LRRK1: variants seen among roughly 807,000 people sequenced by gnomAD.
The protein encoded by LRRK1 is leucine-rich repeat serine/threonine-protein kinase 1.
In LRRK1, 113 loss-of-function variants were observed where a neutral mutation model predicts 209.1. The observed-to-expected ratio is 0.54, with a 90% CI of 0.46 to 0.63. The LOEUF (loss-of-function observed/expected upper bound fraction) is 0.63. LRRK1 is among the 30% of genes least tolerant of loss of function. The pLI, the probability that LRRK1 is intolerant of heterozygous loss-of-function variation, is 0.00. For missense variants in LRRK1, 2,284 were observed against 2,632.2 expected (o/e 0.87, Z 2.89); for synonymous variants, 1,144 against 1,099.7 (o/e 1.04, Z -0.80).
At chr15:100,976,317 C>A (rs1187702875) in intron 3 of LRRK1, among the ~76,000 whole-genome samples, 6 of 152,084 alleles carry the variant, frequency 3.9e-5, no homozygotes, top group African/African-American at 1.2e-4. Context: ...ACCTCAATAC[C>A]AAGAGTAGGT....
At chr15:101,033,912 C>T (rs2034389433) in intron 20 of LRRK1, among the ~76,000 whole-genome samples, 2 of 152,178 alleles carry the variant, frequency 1.3e-5, no homozygotes, top group East Asian at 1.9e-4. Flanking sequence ...CTTTTCTCTG[C>T]GTCCTCACCA....
intron 6 of LRRK1, among the ~76,000 whole-genome samples, chr15:100,998,122 G>A (rs1460645707): frequency 1.3e-5 from 2 of 151,488 alleles, no homozygotes; most frequent in Non-Finnish European, 1.5e-5. Flanking sequence ...CAAGGTTGCA[G>A]TGAGCCGAGA....
At chr15:100,933,032 AC>A (rs1221604679) in intron 2 of LRRK1, among the ~76,000 whole-genome samples, 1 of 152,104 alleles carries the variant, frequency 6.6e-6, no homozygotes, top group Non-Finnish European at 1.5e-5. Flanking sequence ...CAGGACTCTT[AC>A]TTTGCACCTT....
intron 29 of LRRK1, among the ~76,000 whole-genome samples, chr15:101,058,777 T>C (rs1360785111): frequency 9.4e-5 from 14 of 148,698 alleles, no homozygotes; most frequent in African/African-American, 3.2e-4. Context: ...ATCCTAGGTA[T>C]TGCCAGAGTT....
chr15:101,056,559 T>C (rs969622792), intron 27 of LRRK1, among the ~76,000 whole-genome samples: 1 of 151,774 alleles, frequency 6.6e-6, no homozygotes, highest in African/African-American at 2.4e-5. Context: ...GTCGGATGGA[T>C]AGATGGATGG....
chr15:101,034,529 G>A (rs1401691890), intron 20 of LRRK1, among the ~76,000 whole-genome samples: 1 of 152,070 alleles, frequency 6.6e-6, no homozygotes, highest in African/African-American at 2.4e-5. Flanking sequence ...TCCACTGTAG[G>A]TTCTTAGCAC....
At chr15:100,951,120 G>A (rs1308305219) in intron 2 of LRRK1, among the ~76,000 whole-genome samples, 3 of 151,946 alleles carry the variant, frequency 2.0e-5, no homozygotes, top group African/African-American at 7.3e-5. Flanking sequence ...AAGAGCAAAG[G>A]GTCTAAACAG....
chr15:101,021,388 C>G (rs1273855507), intron 13 of LRRK1, among the ~76,000 whole-genome samples: 1 of 152,206 alleles, frequency 6.6e-6, no homozygotes, highest in Non-Finnish European at 1.5e-5. Context: ...TACACACTTT[C>G]ACTACATCAC....
At chr15:101,020,654 G>A (rs531373636) in intron 12 of LRRK1, among the ~76,000 whole-genome samples, 9 of 152,234 alleles carry the variant, frequency 5.9e-5, no homozygotes, top group South Asian at 2.1e-4. Flanking sequence ...GATTACAGGC[G>A]TGAGCCACCA....
At chr15:100,974,008 G>C in intron 3 of LRRK1, 41 bp downstream of exon 3, 2 of 1,240,348 alleles carry the variant, frequency 1.6e-6, no homozygotes, top group Non-Finnish European at 2.0e-6. Context: ...ATGCAGCCCC[G>C]GGCTGGACGA....
At chr15:100,951,565 T>C (rs1363137517) in intron 2 of LRRK1, among the ~76,000 whole-genome samples, 1 of 152,066 alleles carries the variant, frequency 6.6e-6, no homozygotes, top group Non-Finnish European at 1.5e-5. Flanking sequence ...GATGAATAAA[T>C]AAACAAATGT....
rs577901589 is a variant in LRRK1, at chr15:101,069,173, T to G, written c.*325T>G. Reference sequence around the variant, plus strand: ...GGAGCAGGGGTGCAGGATCCTGTTCTGAGCTGGGTCAAACAAAGCAGGGCC... The same window carrying G: ...GGAGCAGGGGTGCAGGATCCTGTTCGGAGCTGGGTCAAACAAAGCAGGGCC... On this transcript the variant is annotated 3_prime_UTR_variant, in exon 34 of 34. Transcript: ENST00000388948. 956 of 207,826 alleles carry G rather than the reference T, an allele frequency of 4.6e-3. 8 individuals are homozygous for G. The highest frequency in any genetic ancestry group is 0.021 in the African/African-American group (900 of 43,708). The allele number at this position is 207,826 out of a possible 1,614,324, so 12.9% of individuals were successfully genotyped here. A position where few individuals can be genotyped will look rare whatever the true frequency, so the allele number is the denominator to read the frequency against.
In LRRK1 at chr15:101,074,676, T is replaced by C. The variant is rs981514199; in HGVS notation, c.*5828T>C. 6.6e-6 allele frequency: 1 copy of C among 151,918 alleles called. No homozygotes were observed. The highest frequency in any genetic ancestry group is 2.4e-5 in the African/African-American group (1 of 41,360). 9.4% of individuals were successfully genotyped at this position (151,918 alleles called of 1,614,324 possible). On this transcript the variant is annotated 3_prime_UTR_variant, in exon 34 of 34. Transcript: ENST00000388948. ...ACCTTGCCTTCAAGGTGTACAATAA[T>C]AGAAAAAAGTTGCAATTCCTTGCCT... is the stretch of plus-strand genomic sequence containing the variant.
intron 4 of LRRK1, among the ~76,000 whole-genome samples, chr15:100,985,067 T>C (rs7495908): frequency 0.95 from 144,112 of 152,320 alleles, 68,190 homozygotes; most frequent in East Asian, 1. Flanking sequence ...TATAGTGGTC[T>C]TGTTTGAGGG....
At chr15:100,981,068 G>A (rs1018254296) in intron 3 of LRRK1, among the ~76,000 whole-genome samples, 4 of 152,252 alleles carry the variant, frequency 2.6e-5, no homozygotes, top group South Asian at 4.1e-4. Context: ...CCTTTGCAGA[G>A]GGCGACTGGG....
intron 33 of LRRK1, 53 bp downstream of exon 33, chr15:101,066,794 A>G: frequency 7.1e-7 from 1 of 1,410,322 alleles, no homozygotes; most frequent in South Asian, 1.2e-5. Flanking sequence ...TGAGCACAGA[A>G]GGCCCTGCAG....
chr15:101,020,093 G>A lies in LRRK1; in HGVS notation c.1610-960G>A, dbSNP rs181576491. On this transcript the variant is annotated intron_variant, in intron 12 of 33. Coordinates refer to ENST00000388948, the MANE Select transcript of LRRK1 (RefSeq NM_024652.6). ...AGCTTTTTTTCATGGAAAAAGCAAC[G>A]CATGTATATTTTAAAACACCGTTTT... Among the ~76,000 whole-genome samples the A allele has an allele frequency of 1.2e-3, 189 of 152,276 alleles. 1 individual carries two copies. Among genetic ancestry groups the A allele is most frequent in the African/African-American group, 4.5e-3 (185 of 41,558 alleles).
rs67129854 is a variant in LRRK1 at position 100,933,821 on chromosome 15, C to CAA, written c.97+9123_97+9124dup. 2.9e-3 allele frequency among the ~76,000 whole-genome samples: 123 copies of CAA among 42,870 alleles called. 3 individuals carry two copies. Among genetic ancestry groups the CAA allele is most frequent in the African/African-American group, 3.3e-3 (36 of 10,830 alleles). 28.1% of individuals were successfully genotyped at this position (42,870 alleles called of 152,430 possible). ...TGGGCCACAGTGCCAGACTCCATCT[C>CAA]AAAAAAAAAAAAAAAAAAAAAAAAA... is the stretch of plus-strand genomic sequence containing the variant. On this transcript the variant is annotated intron_variant, in intron 2 of 33. Transcript: ENST00000388948.
At chr15:100,987,652 TA>T (rs2031944556) in intron 4 of LRRK1, among the ~76,000 whole-genome samples, 1 of 152,184 alleles carries the variant, frequency 6.6e-6, no homozygotes, top group Non-Finnish European at 1.5e-5. Flanking sequence ...CATCATGAGT[TA>T]GGGTTTATTG....
Sources: allele counts gnomAD v4.1 joint callset (sites outside exome capture counted in the v4.1 genomes callset), GRCh38; gene constraint gnomAD v4.1.1; transcripts MANE v1.5; gene names NCBI Gene and HGNC (gene_info 2026-07-23, HGNC 2026-07-21).